Variants in NCOA2 observed in about 807,000 individuals in gnomAD.
NCOA2 encodes class E basic helix-loop-helix protein 75.
In NCOA2, 21 loss-of-function variants were observed where a neutral mutation model predicts 145.1. The ratio of observed to expected loss-of-function variants is 0.14; its 90% CI spans 0.10 to 0.21. The LOEUF (loss-of-function observed/expected upper bound fraction) is 0.21, where lower values mean the gene tolerates loss of function less well. NCOA2 is among the 10% of genes least tolerant of loss of function. NCOA2 has a pLI of 1.00. For missense variants in NCOA2, 1,472 were observed against 1,837.6 expected (o/e 0.80, Z 3.64); for synonymous variants, 619 against 637.5 (o/e 0.97, Z 0.44).
chr8:70,206,503 T>C (rs1329190676), intron 4 of NCOA2, among the ~76,000 whole-genome samples: 1 of 152,270 alleles, frequency 6.6e-6, no homozygotes, highest in Non-Finnish European at 1.5e-5. Flanking sequence ...TCATTAGTTA[T>C]GCACCTCTCC....
the NCOA2 span, among the ~76,000 whole-genome samples, chr8:70,435,298 G>A: frequency 6.7e-6 from 1 of 149,928 alleles, no homozygotes; most frequent in African/African-American, 2.5e-5. Context: ...GGTGGTGGGC[G>A]CCTGTAATCC....
intron 4 of NCOA2, among the ~76,000 whole-genome samples, chr8:70,179,757 C>T (rs1055153399): frequency 6.6e-6 from 1 of 152,156 alleles, no homozygotes; most frequent in African/African-American, 2.4e-5. Flanking sequence ...GAAAGCTCGT[C>T]TCAGAGTTTC....
At chr8:70,267,962 CTATT>C (rs1363329276) in intron 2 of NCOA2, among the ~76,000 whole-genome samples, 1 of 152,126 alleles carries the variant, frequency 6.6e-6, no homozygotes, top group African/African-American at 2.4e-5. Context: ...ATTTGACTTC[CTATT>C]TGAAGCAGGA....
intron 1 of NCOA2, among the ~76,000 whole-genome samples, chr8:70,331,143 TATG>T (rs1392284955): frequency 6.6e-6 from 1 of 152,188 alleles, no homozygotes; most frequent in African/African-American, 2.4e-5. Flanking sequence ...ATAGCAAATG[TATG>T]ATATTTTTAA....
At chr8:70,281,846 CATGAG>C (rs1385881978) in intron 2 of NCOA2, among the ~76,000 whole-genome samples, 2 of 152,196 alleles carry the variant, frequency 1.3e-5, no homozygotes, top group Admixed American at 6.5e-5. Context: ...TCAGAATACT[CATGAG>C]ATAAGTTACG....
At chr8:70,397,477 A>G (rs1251247571) in intron 1 of NCOA2, among the ~76,000 whole-genome samples, 1 of 151,830 alleles carries the variant, frequency 6.6e-6, no homozygotes, top group Non-Finnish European at 1.5e-5. Flanking sequence ...AAAAAAAAAA[A>G]AGAGCAAGAA....
At chr8:70,335,917 T>C (rs774799830) in intron 1 of NCOA2, among the ~76,000 whole-genome samples, 14 of 152,198 alleles carry the variant, frequency 9.2e-5, no homozygotes, top group Non-Finnish European at 8.8e-5. Flanking sequence ...TGGCAAGCAT[T>C]TGTGTCTCTA....
intron 15 of NCOA2, among the ~76,000 whole-genome samples, chr8:70,137,478 T>C (rs1382162499): frequency 6.6e-6 from 1 of 152,264 alleles, no homozygotes; most frequent in African/African-American, 2.4e-5. Flanking sequence ...TTAATTATTA[T>C]ACATTTGTCC....
intron 1 of NCOA2, chr8:70,402,316 T>A (rs568222828): frequency 2.0e-5 from 3 of 152,340 alleles, no homozygotes; most frequent in African/African-American, 7.2e-5. Flanking sequence ...GTGTTCAGGC[T>A]CGGTCTCTGG....
At chr8:70,197,281 TATCA>T (rs373442550) in intron 4 of NCOA2, among the ~76,000 whole-genome samples, 341 of 152,322 alleles carry the variant, frequency 2.2e-3, no homozygotes, top group South Asian at 4.1e-3. Context: ...TACATCAACC[TATCA>T]ATCAATCAAT....
At chr8:70,374,059 T>G (rs1049966585) in intron 1 of NCOA2, among the ~76,000 whole-genome samples, 3 of 152,100 alleles carry the variant, frequency 2.0e-5, no homozygotes, top group African/African-American at 7.2e-5. Context: ...CACTGCTGAA[T>G]GGGGGAAAAA....
chr8:70,201,637 A>C (rs561141240), intron 4 of NCOA2, among the ~76,000 whole-genome samples: 2 of 152,364 alleles, frequency 1.3e-5, no homozygotes, highest in East Asian at 3.9e-4. Context: ...AATATTTCAG[A>C]GTGAGCAGCA....
intron 1 of NCOA2, among the ~76,000 whole-genome samples, chr8:70,377,214 A>G (rs1209139927): frequency 1.3e-5 from 2 of 152,066 alleles, no homozygotes; most frequent in African/African-American, 2.4e-5. Flanking sequence ...ACTAATTCTT[A>G]TATCATGGAT....
intron 2 of NCOA2, among the ~76,000 whole-genome samples, chr8:70,246,530 A>G (rs1384808434): frequency 6.6e-6 from 1 of 152,142 alleles, no homozygotes; most frequent in East Asian, 1.9e-4. Context: ...AATGCAAAAC[A>G]TATTTTTAAT....
At chr8:70,404,033 G>A (rs73288568), upstream of NCOA2, among the ~76,000 whole-genome samples, 5,136 of 152,236 alleles carry the variant, frequency 0.034, 314 homozygotes, top group African/African-American at 0.12. Flanking sequence ...TGCCTCTCGC[G>A]CCCCCGAGGA....
chr8:70,241,866 G>GT (rs1419064065), intron 2 of NCOA2, among the ~76,000 whole-genome samples: 1 of 152,040 alleles, frequency 6.6e-6, no homozygotes, highest in Non-Finnish European at 1.5e-5. Flanking sequence ...ACCGTTAATT[G>GT]TTTTGCAAAA....
chr8:70,377,595 A>G (rs1002375139), intron 1 of NCOA2, among the ~76,000 whole-genome samples: 1 of 152,192 alleles, frequency 6.6e-6, no homozygotes, highest in African/African-American at 2.4e-5. Flanking sequence ...TTTCAAATCA[A>G]ACTGTCTTTT....
chr8:70,393,947 G>A lies in NCOA2; in HGVS notation c.-77+9753C>T, dbSNP rs537463839. Among the ~76,000 whole-genome samples the A allele has an allele frequency of 8.2e-4, 125 of 152,218 alleles. 1 individual carries two copies. The South Asian group carries it at 0.022, about 26-fold the overall frequency. ...TTCACTGTCAGTAAGTTCAGTCAGC[G>A]AATATGTCATTTTTTGGTATTACAT... On this transcript the variant is annotated intron_variant, in intron 1 of 22. Coordinates refer to ENST00000452400, the MANE Select transcript of NCOA2 (RefSeq NM_006540.4).
chr8:70,206,103 T>C (rs967584858), intron 4 of NCOA2, among the ~76,000 whole-genome samples: 1 of 152,246 alleles, frequency 6.6e-6, no homozygotes, highest in Non-Finnish European at 1.5e-5. Context: ...TGGCAGCTAG[T>C]GGGCTCAGCC....
Sources: gnomAD v4.1 joint callset for allele counts (sites outside exome capture counted in the v4.1 genomes callset) on GRCh38, gnomAD v4.1.1 for gene constraint, MANE v1.5 for transcripts, NCBI Gene and HGNC (gene_info 2026-07-23, HGNC 2026-07-21) for gene names.